Variants in PRAME observed in about 807,000 individuals in gnomAD.
PRAME encodes melanoma antigen preferentially expressed in tumors.
PRAME carries 21 observed loss-of-function variants against 32.1 expected under a neutral mutation model. The observed-to-expected ratio is 0.65, with a 90% CI of 0.46 to 0.94. The LOEUF (loss-of-function observed/expected upper bound fraction) is 0.94, where lower values mean the gene tolerates loss of function less well. Among genes scored for constraint, PRAME ranks in the 40% least tolerant of loss-of-function variants. The probability of loss-of-function intolerance (pLI) is 0.00; values close to 1 mark genes in which losing one functional copy is unlikely to be tolerated. For missense variants in PRAME, 651 were observed against 622.3 expected, an observed-to-expected ratio of 1.05 and a Z score of -0.49; for synonymous variants, 274 against 251.5, an observed-to-expected ratio of 1.09 and a Z score of -0.85.
rs2062655294 is a variant in PRAME at position 22,552,601 on chromosome 22, G to A, written c.22-1512C>T. ...TACCCTATAAATATGTACAATTATT[G>A]TGTATCAATTAAGAAATCAATCCAA... On this transcript the variant is annotated intron_variant, in intron 3 of 5. Transcript: ENST00000405655. 2.0e-5 allele frequency among the ~76,000 whole-genome samples: 3 copies of A among 151,926 alleles called. No homozygotes were observed. The South Asian group carries it at 6.2e-4, about 32-fold the overall frequency.
chr22:22,554,083 A>G, intron 3 of PRAME: 4 of 961,588 alleles, frequency 4.2e-6, no homozygotes, highest in Non-Finnish European at 4.9e-6. Flanking sequence ...ACAGTGCACA[A>G]ATACATTTTC....
chr22:22,552,305 ACT>A (rs1054695451), intron 3 of PRAME, among the ~76,000 whole-genome samples: 5 of 151,370 alleles, frequency 3.3e-5, no homozygotes, highest in African/African-American at 1.2e-4. Flanking sequence ...CTAGTAAATC[ACT>A]GATTTAAAAA....
At chr22:22,558,205 CAA>C (rs1428390572) in intron 1 of PRAME, among the ~76,000 whole-genome samples, 1 of 3,738 alleles carries the variant, frequency 2.7e-4, no homozygotes, top group African/African-American at 1.6e-3. Flanking sequence ...GGAAGGGAAA[CAA>C]AGAGTGGTGG....
chr22:22,559,220 G>A lies in PRAME; in HGVS notation c.-363C>T, dbSNP rs1031952088. ...GGAAGCGGGTGGGGTGTCCCGGAGC[G>A]GTGCTGAGGCGCTGCAGGCCCGGCT... On this transcript the variant is annotated 5_prime_UTR_variant, in exon 1 of 6. Coordinates refer to ENST00000405655, the MANE Select transcript of PRAME (RefSeq NM_206956.3). 1.0e-5 allele frequency: 3 copies of A among 296,144 alleles called. No homozygotes were observed. The highest frequency in any genetic ancestry group is 2.0e-5 in the Non-Finnish European group (3 of 150,684). The allele number at this position is 296,144 out of a possible 1,614,324, so 18.3% of individuals were successfully genotyped here. A position where few individuals can be genotyped will look rare whatever the true frequency, so the allele number is the denominator to read the frequency against.
Position 22,547,993 on chromosome 22 carries a change from T to G in PRAME, c.*74A>C, listed in dbSNP as rs2062342633. 1.4e-6 allele frequency: 2 copies of G among 1,441,220 alleles called. No individual in the cohort carries two copies. Among genetic ancestry groups the G allele is most frequent in the Non-Finnish European group, 1.9e-6 (2 of 1,060,740 alleles). The allele number at this position is 1,441,220 out of a possible 1,614,324, so 89.3% of individuals were successfully genotyped here. On this transcript the variant is annotated 3_prime_UTR_variant, in exon 6 of 6. Coordinates refer to ENST00000405655, the MANE Select transcript of PRAME (RefSeq NM_206956.3). ...TTGTCTGAAACTGTGGCTGCTTTGT[T>G]GCTTCAAGATGCATGCACATCCTGG...
Position 22,547,827 on chromosome 22 carries a change from T to C in PRAME, c.*240A>G. On this transcript the variant is annotated 3_prime_UTR_variant, in exon 6 of 6. Coordinates refer to ENST00000405655, the MANE Select transcript of PRAME (RefSeq NM_206956.3). ...AATTCAGATTCTATTTCTAACTCTA[T>C]AAGATGTATCTCCCCAAAGATCACA... The C allele has an allele frequency of 3.5e-6, 2 of 566,080 alleles. No homozygotes were observed. Among genetic ancestry groups the C allele is most frequent in the Non-Finnish European group, 6.2e-6 (2 of 321,816 alleles). 35.1% of individuals were successfully genotyped at this position (566,080 alleles called of 1,614,324 possible).
chr22:22,555,305 T>TGGCTCACTGCAACCTC (rs1360748856), intron 3 of PRAME, among the ~76,000 whole-genome samples: 16 of 151,802 alleles, frequency 1.1e-4, no homozygotes, highest in African/African-American at 3.9e-4. Context: ...GGCGCAATCT[T>TGGCTCACTGCAACCTC]GGCTCACTGC....
intron 2 of PRAME, chr22:22,557,151 G>C (rs1205166059): frequency 8.8e-6 from 4 of 456,376 alleles, no homozygotes; most frequent in Non-Finnish European, 1.6e-5. Flanking sequence ...CTGTGGTCAA[G>C]GACCCTGACT....
At chr22:22,556,954 T>C (rs2062965249) in intron 2 of PRAME, 45 bp from the exon 3 acceptor site, 1 of 1,251,240 alleles carries the variant, frequency 8.0e-7, no homozygotes, top group Non-Finnish European at 1.2e-6. Flanking sequence ...AATACATGTA[T>C]AATATTTACG....
In PRAME at chr22:22,550,031, A is replaced by T; in HGVS notation, c.648T>A (p.Phe216Leu). Residue 216 changes from phenylalanine (F) to leucine (L), a missense_variant, in exon 5 of 6, where the codon TTT (phenylalanine) becomes TTA (leucine). Physicochemically the swap from Phe to Leu is conservative, Grantham distance 22. Coordinates refer to ENST00000405655, the MANE Select transcript of PRAME (RefSeq NM_206956.3). ...TCTTGATATCCTGCATGGGCATTGCAAAAATCTTCAGCTTCTTACAGCACA... is the reference window on the plus strand; with the variant it reads ...TCTTGATATCCTGCATGGGCATTGCTAAAATCTTCAGCTTCTTACAGCACA... ...LRLCCKKLKI[F>L]AMPMQDIKMI... 1 of 1,613,868 alleles carries T rather than the reference A, an allele frequency of 6.2e-7. No homozygotes were observed. The highest frequency in any genetic ancestry group is 8.5e-7 in the Non-Finnish European group (1 of 1,179,956).
At chr22:22,552,311 T>A (rs1323207729) in intron 3 of PRAME, among the ~76,000 whole-genome samples, 1 of 151,164 alleles carries the variant, frequency 6.6e-6, no homozygotes, top group African/African-American at 2.4e-5. Context: ...AATCACTGAT[T>A]TAAAAAATCA....
intron 2 of PRAME, 114 bp from the exon 3 acceptor site, chr22:22,557,023 G>A: frequency 3.0e-6 from 2 of 672,676 alleles, no homozygotes; most frequent in South Asian, 3.5e-5. Flanking sequence ...GACAACTGGC[G>A]ACTCAATCCC....
intron 3 of PRAME, among the ~76,000 whole-genome samples, chr22:22,553,286 A>T (rs571303289): frequency 6.6e-6 from 1 of 152,072 alleles, no homozygotes; most frequent in South Asian, 2.1e-4. Context: ...GGAAAAAGGG[A>T]GGAACAACAG....
chr22:22,548,142 G>A lies in PRAME; in HGVS notation c.1455C>T (p.Asn485=), dbSNP rs770754123. 2.5e-6 allele frequency: 4 copies of A among 1,613,818 alleles called. No individual in the cohort carries two copies. Among genetic ancestry groups the A allele is most frequent in the Admixed American group, 3.3e-5 (2 of 59,964 alleles). The stretch of plus-strand genomic sequence containing the variant: ...TTCTGTCCCCACAGTGAGGACAGGG[G>A]TTGGCACTAAGCCAGACCATGCTGG... ...GRPSMVWLSA[N]PCPHCGDRTF... is the part of the protein sequence containing the mutation. The change falls in exon 6 of 6, where the codon AAC becomes AAT. Residue 485 remains asparagine, a synonymous_variant. Coordinates refer to ENST00000405655, the MANE Select transcript of PRAME (RefSeq NM_206956.3).
intron 3 of PRAME, chr22:22,553,824 G>A: frequency 3.0e-6 from 3 of 985,162 alleles, no homozygotes; most frequent in Non-Finnish European, 3.6e-6. Context: ...GAAGTTGTCA[G>A]AAGACCTTCT....
rs1047382695 is a variant in PRAME at position 22,558,972 on chromosome 22, C to T, written c.-115G>A. On this transcript the variant is annotated splice_region_variant and 5_prime_UTR_variant, in exon 1 of 6. Transcript: ENST00000405655. Reference sequence around the variant, plus strand: ...CCCCCCGGGATTCAATTAACTTACTCTCTGGAGCGCGCGTTCCTCCCTGCT... The same window carrying T: ...CCCCCCGGGATTCAATTAACTTACTTTCTGGAGCGCGCGTTCCTCCCTGCT... 1.3e-5 allele frequency: 2 copies of T among 156,434 alleles called. No individual in the cohort carries two copies. Among genetic ancestry groups the T allele is most frequent in the Non-Finnish European group, 2.8e-5 (2 of 71,546 alleles). 9.7% of individuals were successfully genotyped at this position (156,434 alleles called of 1,614,324 possible).
rs568731882 is a variant in PRAME at position 22,550,022 on chromosome 22, G to T, written c.657C>A (p.Pro219=). The T allele has an allele frequency of 6.2e-7, 1 of 1,613,814 alleles. No individual in the cohort carries two copies. The highest frequency in any genetic ancestry group is 8.5e-7 in the Non-Finnish European group (1 of 1,179,926). Reference sequence around the variant, plus strand: ...TCAGGATCATCTTGATATCCTGCATGGGCATTGCAAAAATCTTCAGCTTCT... The same window carrying T: ...TCAGGATCATCTTGATATCCTGCATTGGCATTGCAAAAATCTTCAGCTTCT... ...CCKKLKIFAM[P]MQDIKMILKM... is the part of the protein sequence containing the mutation. Residue 219 remains proline, a synonymous_variant, in exon 5 of 6, where the codon CCC becomes CCA. Coordinates refer to ENST00000405655, the MANE Select transcript of PRAME (RefSeq NM_206956.3).
intron 3 of PRAME, chr22:22,555,837 C>T (rs1388476791): frequency 2.1e-6 from 1 of 469,090 alleles, no homozygotes; most frequent in Non-Finnish European, 4.4e-6. Flanking sequence ...GACACTTACC[C>T]CTAATGGCCC....
Position 22,550,862 on chromosome 22 carries a change from C to G in PRAME, c.249G>C (p.Leu83=), listed in dbSNP as rs1452028347. Reference sequence around the variant, plus strand: ...GATGTTGTCCCTTCATCAGCACTCCCAGAGGGAGGCAGGTGAAGGGCCAGG... The same window carrying G: ...GATGTTGTCCCTTCATCAGCACTCCGAGAGGGAGGCAGGTGAAGGGCCAGG... ...VQAWPFTCLP[L]GVLMKGQHLH... Residue 83 remains leucine (L), a synonymous_variant, in exon 4 of 6, where the codon CTG becomes CTC. Coordinates refer to ENST00000405655, the MANE Select transcript of PRAME (RefSeq NM_206956.3). 1 of 1,613,770 alleles carries G rather than the reference C, an allele frequency of 6.2e-7. No homozygotes were observed. The highest frequency in any genetic ancestry group is 1.1e-5 in the South Asian group (1 of 91,074).
Sources: allele counts gnomAD v4.1 joint callset (sites outside exome capture counted in the v4.1 genomes callset), GRCh38; gene constraint gnomAD v4.1.1; transcripts MANE v1.5; gene names NCBI Gene and HGNC (gene_info 2026-07-23, HGNC 2026-07-21).